The following ECPAS variants were observed in gnomAD, a reference collection of about 807,000 sequenced individuals.
ECPAS encodes Ecm29 proteasome adaptor and scaffold, also known as proteasome adapter and scaffold protein ECM29.
ECPAS carries 70 observed loss-of-function variants against 255.1 expected under a neutral mutation model. The observed-to-expected ratio is 0.27, with a 90% CI of 0.23 to 0.33. The LOEUF is 0.33. Among genes scored for constraint, ECPAS ranks in the 10% least tolerant of loss-of-function variants. The probability of loss-of-function intolerance (pLI) is 1.00; values close to 1 mark genes in which losing one functional copy is unlikely to be tolerated. For missense variants in ECPAS, 1,817 were observed against 2,206.4 expected (o/e 0.82, Z 3.54); for synonymous variants, 784 against 775.0 (o/e 1.01, Z -0.19).
intron 2 of ECPAS, among the ~76,000 whole-genome samples, chr9:111,464,707 G>T (rs2098277232): frequency 6.8e-6 from 1 of 147,486 alleles, no homozygotes; most frequent in Non-Finnish European, 1.5e-5. Flanking sequence ...CCCATTTATG[G>T]AAAGTTTTTA....
intron 45 of ECPAS, among the ~76,000 whole-genome samples, chr9:111,369,743 G>GGC (rs2098125102): frequency 1.3e-5 from 2 of 149,448 alleles, no homozygotes; most frequent in African/African-American, 4.9e-5. Context: ...CCTTTTTTTT[G>GGC]GGGGGGGGAC....
intron 40 of ECPAS, 34 bp from the exon 41 acceptor site, chr9:111,373,270 A>G: frequency 6.2e-7 from 1 of 1,613,074 alleles, no homozygotes; most frequent in Non-Finnish European, 8.5e-7. Flanking sequence ...ATTTCTTTAT[A>G]ACTGTCAAAG....
chr9:111,373,037 AAAAG>A, intron 41 of ECPAS, 129 bp downstream of exon 41: 2 of 831,280 alleles, frequency 2.4e-6, no homozygotes, highest in Non-Finnish European at 3.9e-6. Flanking sequence ...ATCTCAAAAA[AAAAG>A]AAAAGAAAAG....
intron 2 of ECPAS, among the ~76,000 whole-genome samples, chr9:111,453,118 G>T (rs1488908474): frequency 1.3e-5 from 2 of 152,106 alleles, no homozygotes; most frequent in Non-Finnish European, 2.9e-5. Context: ...ATGGTGGCGA[G>T]TGCCTATGGT....
At chr9:111,379,378 A>C (rs1262480282) in intron 35 of ECPAS, among the ~76,000 whole-genome samples, 1 of 152,232 alleles carries the variant, frequency 6.6e-6, no homozygotes, top group Non-Finnish European at 1.5e-5. Flanking sequence ...TTATGTCTAA[A>C]ATAAAGTACA....
chr9:111,481,170 G>A (rs965312696), intron 1 of ECPAS, among the ~76,000 whole-genome samples: 2 of 152,192 alleles, frequency 1.3e-5, no homozygotes, highest in African/African-American at 4.8e-5. Flanking sequence ...TATTGTTGGT[G>A]GTAATGTAAA....
chr9:111,458,612 G>A lies in ECPAS; in HGVS notation c.23-7057C>T, dbSNP rs146465373. 3.9e-3 allele frequency among the ~76,000 whole-genome samples: 593 copies of A among 151,982 alleles called. 5 individuals carry two copies. The highest frequency in any genetic ancestry group is 0.014 in the African/African-American group (569 of 41,396). ...GGTTTTCAGCCAGGTGATTAGGGGA[G>A]GTGGACAAGGGGAAGGGTTGGAGAG... is the stretch of plus-strand genomic sequence containing the variant. On this transcript the variant is annotated intron_variant, in intron 2 of 49. Transcript: ENST00000684092.
In ECPAS at chr9:111,442,497, T is replaced by TTAAAAA. The variant is rs2098247258; in HGVS notation, c.271-74_271-73insTTTTTA. 10 of 931,368 alleles carry TTAAAAA rather than the reference T, an allele frequency of 1.1e-5. No individual in the cohort carries two copies. In the Admixed American group the frequency reaches 2.2e-4, roughly 20 times the overall value. 57.7% of individuals were successfully genotyped at this position (931,368 alleles called of 1,614,324 possible). A position where few individuals can be genotyped will look rare whatever the true frequency, so the allele number is the denominator to read the frequency against. ...GATTTCAATGAAAATATATGATTGA[T>TTAAAAA]AACTTAGAGAGTTATGGTTACAACA... On this transcript the variant is annotated intron_variant, in intron 4 of 49. Transcript: ENST00000684092.
At chr9:111,401,237 C>T (rs1415195242) in intron 24 of ECPAS, among the ~76,000 whole-genome samples, 1 of 152,172 alleles carries the variant, frequency 6.6e-6, no homozygotes, top group African/African-American at 2.4e-5. Flanking sequence ...TTTCTATTTT[C>T]CCTAAGTGTC....
At chr9:111,448,729 G>GT (rs2098256472) in intron 3 of ECPAS, among the ~76,000 whole-genome samples, 1 of 152,178 alleles carries the variant, frequency 6.6e-6, no homozygotes, top group South Asian at 2.1e-4. Context: ...TTGAAGGACT[G>GT]TAACATTTGC....
Position 111,386,466 on chromosome 9 carries a change from G to T in ECPAS, c.3448-10C>A, listed in dbSNP as rs2098148715. The T allele has an allele frequency of 6.7e-7, 1 of 1,489,240 alleles. No homozygotes were observed. The highest frequency in any genetic ancestry group is 1.4e-5 in the African/African-American group (1 of 71,630). 92.3% of individuals were successfully genotyped at this position (1,489,240 alleles called of 1,614,324 possible). On this transcript the variant is annotated splice_polypyrimidine_tract_variant and intron_variant, in intron 31 of 49. Transcript: ENST00000684092. ...TCAAATATTTATCCACCTAATGAAA[G>T]CAAAAGGATAAAATTTAAAATGCAA...
chr9:111,382,153 T>C (rs1023303703), intron 35 of ECPAS, among the ~76,000 whole-genome samples: 8 of 152,126 alleles, frequency 5.3e-5, no homozygotes, highest in Admixed American at 6.5e-5. Flanking sequence ...TCAGGTCTGG[T>C]TGCCCTGAAT....
At position 111,410,158 on chromosome 9, in the gene ECPAS, C is replaced by T. The variant is rs61744546; in HGVS notation, c.2433G>A (p.Leu811=). The T allele has an allele frequency of 8.6e-3, 13,915 of 1,612,980 alleles. 91 individuals carry two copies. The highest frequency in any genetic ancestry group is 0.031 in the Middle Eastern group (186 of 6,060). ...PLLAIAACTA[L]GEIGRNGPLP... ...GTGGACCATTTCTGCCAATTTCACC[C>T]AGGGCTGTGCAGGCAGCAATTGCCA... Residue 811 remains leucine, a synonymous_variant, in exon 23 of 50, where the codon CTG becomes CTA. Coordinates refer to ENST00000684092, the MANE Select transcript of ECPAS (RefSeq NM_001364929.1).
intron 10 of ECPAS, among the ~76,000 whole-genome samples, chr9:111,426,694 C>CAAAAA (rs11326973): frequency 2.1e-4 from 28 of 130,914 alleles, no homozygotes; most frequent in Non-Finnish European, 4.1e-4. Context: ...TGTCTCACTT[C>CAAAAA]AAAAAAAAAA....
At position 111,472,717 on chromosome 9, in the gene ECPAS, A is replaced by G. The variant is rs540867544; in HGVS notation, c.22+180T>C. Among the ~76,000 whole-genome samples, 4 of 152,076 alleles carry G rather than the reference A, an allele frequency of 2.6e-5. No homozygotes were observed. The East Asian group carries it at 5.8e-4, about 22-fold the overall frequency. On this transcript the variant is annotated intron_variant, in intron 2 of 49. Coordinates refer to ENST00000684092, the MANE Select transcript of ECPAS (RefSeq NM_001364929.1). Reference sequence around the variant, plus strand: ...TATTTTTATGTTTAGCATTACAGAGAATAGAGGCTTCAGGCATTTGTAAAT... The same window carrying G: ...TATTTTTATGTTTAGCATTACAGAGGATAGAGGCTTCAGGCATTTGTAAAT...
intron 17 of ECPAS, among the ~76,000 whole-genome samples, chr9:111,417,299 G>A (rs1441079536): frequency 6.6e-6 from 1 of 151,814 alleles, no homozygotes; most frequent in East Asian, 1.9e-4. Flanking sequence ...TCATATTAAG[G>A]GAAAAAATAT....
At chr9:111,367,950 G>A (rs1213122378) in intron 46 of ECPAS, among the ~76,000 whole-genome samples, 2 of 151,150 alleles carry the variant, frequency 1.3e-5, no homozygotes, top group Non-Finnish European at 2.9e-5. Flanking sequence ...GCTGAGGCAG[G>A]AAGATCACTT....
At chr9:111,451,255 C>T (rs1268120208) in intron 3 of ECPAS, among the ~76,000 whole-genome samples, 170 bp downstream of exon 3, 1 of 152,254 alleles carries the variant, frequency 6.6e-6, no homozygotes, top group South Asian at 2.1e-4. Context: ...GCTAAGGATA[C>T]AAGAGCTACT....
intron 17 of ECPAS, among the ~76,000 whole-genome samples, chr9:111,417,591 C>CA (rs1249244506): frequency 7.9e-5 from 12 of 151,974 alleles, no homozygotes; most frequent in African/African-American, 2.9e-4. Flanking sequence ...ACTAAAAATA[C>CA]AAAAAATTAA....
Sources: allele counts gnomAD v4.1 joint callset (sites outside exome capture counted in the v4.1 genomes callset), GRCh38; gene constraint gnomAD v4.1.1; transcripts MANE v1.5; gene names NCBI Gene and HGNC (gene_info 2026-07-23, HGNC 2026-07-21).